The following SERPINH1 variants were observed in gnomAD, a reference collection of about 807,000 sequenced individuals.
SERPINH1 encodes the protein serpin family H member 1, also known as serpin H1.
In SERPINH1, 22 loss-of-function variants were observed where a neutral mutation model predicts 32.3. The observed-to-expected ratio is 0.68, with a 90% CI of 0.49 to 0.97. The LOEUF (loss-of-function observed/expected upper bound fraction) is 0.97. Among genes scored for constraint, SERPINH1 ranks in the 50% least tolerant of loss-of-function variants. SERPINH1 has a pLI of 0.00. For missense variants in SERPINH1, 543 were observed against 576.4 expected (o/e 0.94, Z 0.59); for synonymous variants, 251 against 245.9 (o/e 1.02, Z -0.19).
At chr11:75,565,750 C>T (rs973570028) in intron 1 of SERPINH1, among the ~76,000 whole-genome samples, 3 of 152,222 alleles carry the variant, frequency 2.0e-5, no homozygotes, top group Admixed American at 6.5e-5. Flanking sequence ...GGCGGGGCAG[C>T]CCTCCGGCTC....
Position 75,566,701 on chromosome 11 carries a change from C to T in SERPINH1, c.352C>T (p.Leu118Phe). 1 of 1,611,376 alleles carries T rather than the reference C, an allele frequency of 6.2e-7. No homozygotes were observed. The highest frequency in any genetic ancestry group is 1.1e-5 in the South Asian group (1 of 90,882). The change falls in exon 2 of 5, where the codon CTC becomes TTC. Residue 118 changes from leucine (L) to phenylalanine (F), a missense_variant. Physicochemically the swap from Leu to Phe is conservative, Grantham distance 22. Coordinates refer to ENST00000358171, the MANE Select transcript of SERPINH1 (RefSeq NM_001235.5). Reference protein sequence around the residue: ...HAGLGELLRSLSNSTARNVTW... With the variant: ...HAGLGELLRSFSNSTARNVTW... Reference sequence around the variant, plus strand: ...CGGCCTGGGCGAGCTGCTGCGCTCACTCAGCAACTCCACGGCGCGCAACGT... The same window carrying T: ...CGGCCTGGGCGAGCTGCTGCGCTCATTCAGCAACTCCACGGCGCGCAACGT...
chr11:75,572,466 C>T lies in SERPINH1; in HGVS notation c.*383C>T. ...AGCCAGCCCTCTTCTGACACTAAAA[C>T]ACCTCAGCTGCCTCCCCAGCTCTAT... is the stretch of plus-strand genomic sequence containing the variant. On this transcript the variant is annotated 3_prime_UTR_variant, in exon 5 of 5. Transcript: ENST00000358171. 3.0e-6 allele frequency: 1 copy of T among 336,360 alleles called. No individual in the cohort carries two copies. The highest frequency in any genetic ancestry group is 4.0e-5 in the Admixed American group (1 of 24,924). 20.8% of individuals were successfully genotyped at this position (336,360 alleles called of 1,614,324 possible). A position where few individuals can be genotyped will look rare whatever the true frequency, so the allele number is the denominator to read the frequency against.
chr11:75,572,048 C>G lies in SERPINH1; in HGVS notation c.1222C>G (p.Arg408Gly). ...CCTGCTATTCATTGGGCGCCTGGTC[C>G]GGCCTAAGGGTGACAAGATGCGAGA... ...GSLLFIGRLV[R>G]PKGDKMRDEL Residue 408 changes from arginine (R) to glycine (G), a missense_variant, in exon 5 of 5, where the codon CGG (arginine) becomes GGG (glycine). By Grantham distance (125) the Arg-to-Gly change is moderately radical. Transcript: ENST00000358171. 1 of 1,614,124 alleles carries G rather than the reference C, an allele frequency of 6.2e-7. No individual in the cohort carries two copies. Among genetic ancestry groups the G allele is most frequent in the Non-Finnish European group, 8.5e-7 (1 of 1,180,022 alleles).
rs772088561 is a variant in SERPINH1, at chr11:75,566,724, C to G, written c.375C>G (p.Asn125Lys). ...CACTCAGCAACTCCACGGCGCGCAA[C>G]GTGACCTGGAAGCTGGGCAGCCGAC... is the stretch of plus-strand genomic sequence containing the variant. ...LRSLSNSTAR[N>K]VTWKLGSRLY... Residue 125 changes from asparagine to lysine, a missense_variant, in exon 2 of 5, where the codon AAC becomes AAG. Physicochemically the swap from Asn to Lys is moderately conservative, Grantham distance 94. This residue lies in a region of SERPINH1 where 427 missense variants were observed against 446.4 expected (regional missense o/e 0.96). Transcript: ENST00000358171. The G allele has an allele frequency of 1.2e-5, 19 of 1,612,622 alleles. No individual in the cohort carries two copies. Among genetic ancestry groups the G allele is most frequent in the Admixed American group, 1.7e-5 (1 of 59,966 alleles).
rs1242351225 is a variant in SERPINH1, at chr11:75,569,366, T to C, written c.954+195T>C. On this transcript the variant is annotated intron_variant, in intron 4 of 4. Coordinates refer to ENST00000358171, the MANE Select transcript of SERPINH1 (RefSeq NM_001235.5). Reference sequence around the variant, plus strand: ...GGAAGATGATGATAATACCAGCAGCTAAATATAACGGAACATTCCTGTATG... The same window carrying C: ...GGAAGATGATGATAATACCAGCAGCCAAATATAACGGAACATTCCTGTATG... 3 of 598,266 alleles carry C rather than the reference T, an allele frequency of 5.0e-6. No individual in the cohort carries two copies. In the East Asian group the frequency reaches 8.3e-5, roughly 17 times the overall value. 37.1% of individuals were successfully genotyped at this position (598,266 alleles called of 1,614,324 possible).
intron 2 of SERPINH1, chr11:75,568,305 TA>T (rs10711399): frequency 0.81 from 211,922 of 263,170 alleles, 86,237 homozygotes; most frequent in Non-Finnish European, 0.86. Context: ...AAGAAAAAGA[TA>T]AAAAAAAAAT....
At chr11:75,570,145 C>T (rs762045271) in intron 4 of SERPINH1, among the ~76,000 whole-genome samples, 46 of 152,036 alleles carry the variant, frequency 3.0e-4, no homozygotes, top group African/African-American at 8.2e-4. Flanking sequence ...ACATAATAGC[C>T]GCCTTTTTGT....
In SERPINH1 at chr11:75,566,675, C is replaced by T; in HGVS notation, c.326C>T (p.Ala109Val). Residue 109 changes from alanine to valine, a missense_variant, in exon 2 of 5, where the codon GCC becomes GTC. Ala to Val is a moderately conservative substitution (Grantham distance 64). Around this residue, in one of 3 missense-constraint regions of SERPINH1, gnomAD observed 427 missense variants for 446.4 expected, o/e 0.96. Transcript: ENST00000358171. ...AEQLRDEEVHAGLGELLRSLS... is the reference protein window; with the variant it reads ...AEQLRDEEVHVGLGELLRSLS... The stretch of plus-strand genomic sequence containing the variant: ...CAGCTGCGCGACGAGGAGGTGCACG[C>T]CGGCCTGGGCGAGCTGCTGCGCTCA... 1 of 1,608,698 alleles carries T rather than the reference C, an allele frequency of 6.2e-7. No homozygotes were observed. Among genetic ancestry groups the T allele is most frequent in the African/African-American group, 1.3e-5 (1 of 74,992 alleles).
At position 75,566,472 on chromosome 11, in the gene SERPINH1, C is replaced by A. The variant is rs770639155; in HGVS notation, c.123C>A (p.Ala41=). The A allele has an allele frequency of 6.2e-7, 1 of 1,612,464 alleles. No individual in the cohort carries two copies. Among genetic ancestry groups the A allele is most frequent in the South Asian group, 1.1e-5 (1 of 91,002 alleles). ...GTAEKLSPKA[A]TLAERSAGLA... is the part of the protein sequence containing the mutation. ...CGGAGAAGTTGAGCCCCAAGGCGGC[C>A]ACGCTTGCCGAGCGCAGCGCCGGCC... Residue 41 remains alanine, a synonymous_variant, in exon 2 of 5, where the codon GCC becomes GCA. Coordinates refer to ENST00000358171, the MANE Select transcript of SERPINH1 (RefSeq NM_001235.5).
intron 1 of SERPINH1, among the ~76,000 whole-genome samples, chr11:75,564,830 G>C (rs1046998727): frequency 1.3e-5 from 2 of 152,188 alleles, no homozygotes; most frequent in African/African-American, 4.8e-5. Flanking sequence ...AGGCAGTCCC[G>C]GGAGATGGGG....
chr11:75,566,332 G>A lies in SERPINH1; in HGVS notation c.-18G>A, dbSNP rs1433503417. On this transcript the variant is annotated 5_prime_UTR_variant, in exon 2 of 5. Transcript: ENST00000358171. ...TCCTCACAGGCCCACCGTGGTGCACGCAAACCACTTCCTGGCCATGCGCTC... is the reference window on the plus strand; with the variant it reads ...TCCTCACAGGCCCACCGTGGTGCACACAAACCACTTCCTGGCCATGCGCTC... 6 of 1,603,352 alleles carry A rather than the reference G, an allele frequency of 3.7e-6. No homozygotes were observed. In the Admixed American group the frequency reaches 5.1e-5, roughly 14 times the overall value.
rs1348777348 is a variant in SERPINH1 at position 75,572,127 on chromosome 11, C to T, written c.*44C>T. ...GGATGGCAGGAGGCATCCAAAGGCT[C>T]CTGAGACACATGGGTGCTATTGGGG... On this transcript the variant is annotated 3_prime_UTR_variant, in exon 5 of 5. Coordinates refer to ENST00000358171, the MANE Select transcript of SERPINH1 (RefSeq NM_001235.5). The T allele has an allele frequency of 3.1e-6, 5 of 1,592,596 alleles. No homozygotes were observed. Among genetic ancestry groups the T allele is most frequent in the Non-Finnish European group, 4.3e-6 (5 of 1,162,392 alleles).
rs886039819 is a variant in SERPINH1 at position 75,568,818 on chromosome 11, T to C, written c.710T>C (p.Met237Thr). The C allele has an allele frequency of 1.2e-6, 2 of 1,613,038 alleles. No individual in the cohort carries two copies. The highest frequency in any genetic ancestry group is 8.5e-7 in the Non-Finnish European group (1 of 1,179,150). Residue 237 changes from methionine to threonine, a missense_variant, in exon 3 of 5, where the codon ATG becomes ACG. Met to Thr is a moderately conservative substitution (Grantham distance 81). Coordinates refer to ENST00000358171, the MANE Select transcript of SERPINH1 (RefSeq NM_001235.5). The stretch of plus-strand genomic sequence containing the variant: ...TCCTATACCGTGGGTGTCATGATGA[T>C]GCACCGGACAGGTAGGTGCTGTGAG... The part of the protein sequence containing the change: ...TRSYTVGVMM[M>T]HRTGLYNYYD...
At chr11:75,565,934 A>G (rs1942065491) in intron 1 of SERPINH1, among the ~76,000 whole-genome samples, 1 of 152,204 alleles carries the variant, frequency 6.6e-6, no homozygotes. Flanking sequence ...TTCGTTCAGG[A>G]AGAGCTGAGG....
At chr11:75,570,764 A>T (rs1481479796) in intron 4 of SERPINH1, among the ~76,000 whole-genome samples, 2 of 152,242 alleles carry the variant, frequency 1.3e-5, no homozygotes, top group Non-Finnish European at 2.9e-5. Flanking sequence ...AGAGCGCTGG[A>T]CATGGGCCCC....
chr11:75,566,419 CCTGCAGCCG>C lies in SERPINH1; in HGVS notation c.72_80del (p.Ala27_Ala29del). On this transcript the variant is annotated inframe_deletion, in exon 2 of 5. Transcript: ENST00000358171. ...GGCCCTGGCCGCCGAGGTGAAGAAA[CCTGCAGCCG>C]CAGCAGCTCCTGGCACTGCGGAGAA... 1 of 1,611,608 alleles carries C rather than the reference CCTGCAGCCG, an allele frequency of 6.2e-7. No homozygotes were observed. Among genetic ancestry groups the C allele is most frequent in the East Asian group, 2.2e-5 (1 of 44,874 alleles).
Position 75,566,844 on chromosome 11 carries a change from C to T in SERPINH1, c.495C>T (p.Asp165=). 1.2e-6 allele frequency: 2 copies of T among 1,612,434 alleles called. No individual in the cohort carries two copies. Among genetic ancestry groups the T allele is most frequent in the Non-Finnish European group, 1.7e-6 (2 of 1,179,966 alleles). The change falls in exon 2 of 5, where the codon GAC becomes GAT. Residue 165 remains aspartate (D), a synonymous_variant. Transcript: ENST00000358171. ...AGCACTCCAAGATCAACTTCCGCGA[C>T]AAGCGCAGCGCGCTGCAGTCCATCA... ...NCEHSKINFR[D]KRSALQSINE...
At chr11:75,568,005 A>G (rs1303413725) in intron 2 of SERPINH1, 1 of 153,972 alleles carries the variant, frequency 6.5e-6, no homozygotes, top group Non-Finnish European at 1.4e-5. Context: ...GCAGAGGAAA[A>G]CGAAGGGTGG....
At chr11:75,567,009 C>CCTT (rs868675056) in intron 2 of SERPINH1, 38 bp downstream of exon 2, 1 of 1,582,386 alleles carries the variant, frequency 6.3e-7, no homozygotes, top group Non-Finnish European at 8.6e-7. Context: ...TCCTCCTCCT[C>CCTT]CCAGGACCCC....
Sources: allele counts gnomAD v4.1 joint callset (sites outside exome capture counted in the v4.1 genomes callset), GRCh38; gene constraint gnomAD v4.1.1; regional missense constraint gnomAD v4.1.1; transcripts MANE v1.5; gene names NCBI Gene and HGNC (gene_info 2026-07-23, HGNC 2026-07-21).